The following NRG3 variants were observed in gnomAD, a reference collection of about 807,000 sequenced individuals.
NRG3 encodes the protein pro-neuregulin-3, membrane-bound isoform.
Under a neutral mutation model 66.9 loss-of-function variants are expected in NRG3, and 31 were observed. The ratio of observed to expected loss-of-function variants is 0.46; its 90% confidence interval spans 0.35 to 0.63. The LOEUF (loss-of-function observed/expected upper bound fraction) is 0.63, where lower values mean the gene tolerates loss of function less well. NRG3 is among the 20% of genes least tolerant of loss of function. The pLI, the probability that NRG3 is intolerant of heterozygous loss-of-function variation, is 0.00. For missense variants in NRG3, 910 were observed against 878.9 expected (o/e 1.04, Z -0.45); for synonymous variants, 393 against 359.4 (o/e 1.09, Z -1.06).
intron 4 of NRG3, among the ~76,000 whole-genome samples, chr10:82,935,392 A>C (rs1279172757): frequency 6.6e-6 from 1 of 152,240 alleles, no homozygotes; most frequent in Non-Finnish European, 1.5e-5. Context: ...CCACAAGTAC[A>C]CAAGGCTCTT....
intron 1 of NRG3, among the ~76,000 whole-genome samples, chr10:82,077,926 G>A (rs1217002212): frequency 6.6e-6 from 1 of 152,128 alleles, no homozygotes; most frequent in Non-Finnish European, 1.5e-5. Context: ...GAGGCATGGA[G>A]CAATTTCAGT....
At chr10:82,751,092 A>C (rs1201017046) in intron 3 of NRG3, among the ~76,000 whole-genome samples, 4 of 152,104 alleles carry the variant, frequency 2.6e-5, no homozygotes, top group African/African-American at 9.7e-5. Context: ...TATGTGGATA[A>C]ATTTTTTAGA....
At chr10:82,682,069 G>T (rs569211817) in intron 2 of NRG3, among the ~76,000 whole-genome samples, 1 of 152,354 alleles carries the variant, frequency 6.6e-6, no homozygotes, top group African/African-American at 2.4e-5. Flanking sequence ...TGTCTGCCAA[G>T]AGATGAGAGC....
intron 2 of NRG3, among the ~76,000 whole-genome samples, chr10:82,485,934 TCTACAA>T (rs1021691435): frequency 5.9e-5 from 9 of 152,084 alleles, no homozygotes; most frequent in African/African-American, 2.2e-4. Flanking sequence ...GTAAGAAACT[TCTACAA>T]CTCAATAACA....
intron 1 of NRG3, among the ~76,000 whole-genome samples, chr10:81,935,826 C>T (rs1847802391): frequency 6.6e-6 from 1 of 151,616 alleles, no homozygotes; most frequent in Non-Finnish European, 1.5e-5. Context: ...CTTTCACTGT[C>T]CAGCTTCTCA....
intron 2 of NRG3, among the ~76,000 whole-genome samples, chr10:82,396,554 A>G (rs929761428): frequency 6.6e-6 from 1 of 152,212 alleles, no homozygotes; most frequent in Admixed American, 6.5e-5. Flanking sequence ...GAACAAATAT[A>G]TGCACAGCAA....
chr10:82,812,774 T>C (rs1349080630), intron 3 of NRG3, among the ~76,000 whole-genome samples: 1 of 152,186 alleles, frequency 6.6e-6, no homozygotes, highest in Non-Finnish European at 1.5e-5. Flanking sequence ...CAGTAGAAAC[T>C]AACATGTAGA....
chr10:82,688,694 T>G (rs2054691474), intron 2 of NRG3, among the ~76,000 whole-genome samples: 1 of 152,072 alleles, frequency 6.6e-6, no homozygotes, highest in Non-Finnish European at 1.5e-5. Flanking sequence ...AATTAGAATT[T>G]TATTAGGTAG....
intron 6 of NRG3, among the ~76,000 whole-genome samples, chr10:82,959,659 C>T (rs952759907): frequency 6.6e-6 from 1 of 152,046 alleles, no homozygotes; most frequent in African/African-American, 2.4e-5. Context: ...AAGAATAAAG[C>T]CATGGAATCC....
chr10:82,691,444 G>C (rs2054920960), intron 2 of NRG3, among the ~76,000 whole-genome samples: 1 of 152,094 alleles, frequency 6.6e-6, no homozygotes, highest in South Asian at 2.1e-4. Context: ...GCACACACTG[G>C]TGATGCATTC....
chr10:82,506,768 T>C (rs993551095), intron 2 of NRG3, among the ~76,000 whole-genome samples: 13 of 152,342 alleles, frequency 8.5e-5, no homozygotes, highest in Middle Eastern at 3.4e-3. Flanking sequence ...CCAGGAAATG[T>C]ATCCAGAATG....
chr10:82,656,790 C>T (rs957142639), intron 2 of NRG3, among the ~76,000 whole-genome samples: 1 of 152,152 alleles, frequency 6.6e-6, no homozygotes, highest in Non-Finnish European at 1.5e-5. Context: ...TTATCTGTCA[C>T]ATCATGCCTC....
At chr10:82,775,610 C>T (rs1171984581) in intron 3 of NRG3, among the ~76,000 whole-genome samples, 1 of 151,966 alleles carries the variant, frequency 6.6e-6, no homozygotes, top group Non-Finnish European at 1.5e-5. Flanking sequence ...TTATACATGT[C>T]TATTAGGTCA....
chr10:82,757,863 T>C (rs1165058731), intron 3 of NRG3, among the ~76,000 whole-genome samples: 1 of 152,106 alleles, frequency 6.6e-6, no homozygotes, highest in African/African-American at 2.4e-5. Flanking sequence ...TAATTAAATC[T>C]AGTTCTAGAT....
intron 1 of NRG3, among the ~76,000 whole-genome samples, chr10:82,005,132 T>C (rs2061334691): frequency 6.6e-6 from 1 of 152,208 alleles, no homozygotes; most frequent in Non-Finnish European, 1.5e-5. Flanking sequence ...AGCTAGTAAG[T>C]GATACACAAA....
chr10:82,235,993 C>G (rs2076732053), intron 1 of NRG3, among the ~76,000 whole-genome samples: 1 of 151,970 alleles, frequency 6.6e-6, no homozygotes, highest in African/African-American at 2.4e-5. Flanking sequence ...CACGCACACA[C>G]ACACAGACAC....
intron 3 of NRG3, chr10:82,799,993 C>T (rs2060969320): frequency 6.6e-6 from 1 of 152,228 alleles, no homozygotes; most frequent in Non-Finnish European, 1.5e-5. Flanking sequence ...CGCCATGATA[C>T]ACCCTTCGTC....
chr10:82,848,524 C>T (rs2063414683), intron 3 of NRG3, among the ~76,000 whole-genome samples: 1 of 152,156 alleles, frequency 6.6e-6, no homozygotes, highest in African/African-American at 2.4e-5. Flanking sequence ...TGCCTTGTCT[C>T]ACATCGGACT....
intron 1 of NRG3, among the ~76,000 whole-genome samples, chr10:81,931,421 A>ACTTAGAAGT (rs1847338856): frequency 6.6e-6 from 1 of 152,166 alleles, no homozygotes; most frequent in Admixed American, 6.5e-5. Flanking sequence ...CTGAAACCAG[A>ACTTAGAAGT]CTTAGAAGTC....
Sources: gnomAD v4.1 joint callset for allele counts (sites outside exome capture counted in the v4.1 genomes callset) on GRCh38, gnomAD v4.1.1 for gene constraint, MANE v1.5 for transcripts, NCBI Gene and HGNC (gene_info 2026-07-23, HGNC 2026-07-21) for gene names.